The following FMN2 variants were observed in gnomAD, a reference collection of about 807,000 sequenced individuals.
The protein encoded by FMN2 is formin 2.
A neutral mutation model predicts 142.3 loss-of-function variants in FMN2; 51 were observed. That is an observed-to-expected ratio of 0.36 (90% CI 0.29 to 0.45). The LOEUF (loss-of-function observed/expected upper bound fraction) is 0.45. Ranked by LOEUF, FMN2 falls within the 20% of genes least tolerant of loss-of-function variation. The pLI is 1.00. For synonymous variants in FMN2, 882 were observed against 869.8 expected, an observed-to-expected ratio of 1.01 and a Z score of -0.25; for missense variants, 1,936 against 2,122.8, an observed-to-expected ratio of 0.91 and a Z score of 1.73.
intron 6 of FMN2, among the ~76,000 whole-genome samples, chr1:240,234,686 T>G (rs972633986): frequency 2.0e-5 from 3 of 152,130 alleles, no homozygotes; most frequent in Non-Finnish European, 2.9e-5. Context: ...CCCCACAGAT[T>G]AGCTATAATT....
chr1:240,134,365 C>T (rs1316787854), intron 2 of FMN2, among the ~76,000 whole-genome samples: 1 of 152,132 alleles, frequency 6.6e-6, no homozygotes, highest in Non-Finnish European at 1.5e-5. Context: ...CACCTGTAAT[C>T]CCAGCACTTT....
chr1:240,258,453 A>G (rs1014290943), intron 7 of FMN2, among the ~76,000 whole-genome samples: 3 of 152,168 alleles, frequency 2.0e-5, no homozygotes, highest in African/African-American at 4.8e-5. Context: ...ATTGGCAGAA[A>G]GAAGGAAAGA....
Position 240,123,242 on chromosome 1 carries a change from A to G in FMN2, c.1679A>G (p.Lys560Arg), listed in dbSNP as rs1662356280. ...AACGGGCCTCCAGAAGAAGCAGAGAAGTTTTGCTCCCGGATCATTGCCATG... is the reference window on the plus strand; with the variant it reads ...AACGGGCCTCCAGAAGAAGCAGAGAGGTTTTGCTCCCGGATCATTGCCATG... Reference protein sequence around the residue: ...QENGPPEEAEKFCSRIIAMGL... With the variant: ...QENGPPEEAERFCSRIIAMGL... Residue 560 changes from lysine to arginine, a missense_variant, in exon 2 of 18, where the codon AAG becomes AGG. Physicochemically the swap from Lys to Arg is conservative, Grantham distance 26. This residue lies in a region of FMN2 where 751 missense variants were observed against 791.8 expected (regional missense o/e 0.95). Coordinates refer to ENST00000319653, the MANE Select transcript of FMN2 (RefSeq NM_020066.5). 6.2e-7 allele frequency: 1 copy of G among 1,614,062 alleles called. No individual in the cohort carries two copies. The highest frequency in any genetic ancestry group is 1.3e-5 in the African/African-American group (1 of 74,928).
At chr1:240,418,976 TG>T (rs1674674217) in intron 15 of FMN2, among the ~76,000 whole-genome samples, 1 of 152,048 alleles carries the variant, frequency 6.6e-6, no homozygotes, top group Admixed American at 6.6e-5. Flanking sequence ...GACATGGTGG[TG>T]GGCGCCTGTA....
intron 8 of FMN2, among the ~76,000 whole-genome samples, chr1:240,302,353 TCGGGACCCAGAATATTG>T: frequency 6.6e-6 from 1 of 151,672 alleles, no homozygotes; most frequent in East Asian, 1.9e-4. Context: ...CCTCAGAAAA[TCGGGACCCAGAATATTG>T]AAAAATTCTT....
chr1:240,272,144 ACT>A (rs1303723445), intron 7 of FMN2, among the ~76,000 whole-genome samples: 1 of 151,988 alleles, frequency 6.6e-6, no homozygotes, highest in East Asian at 1.9e-4. Flanking sequence ...TAGGAGGGTG[ACT>A]CTGTGAGCCT....
rs553255247 is a variant in FMN2 at position 240,452,064 on chromosome 1, A to G, written c.5060+13854A>G. ...AAATTAGCCAGGTGTGGTGGCACTCACCTGTAGTCCCAGCTACTCAGGAGG... is the reference window on the plus strand; with the variant it reads ...AAATTAGCCAGGTGTGGTGGCACTCGCCTGTAGTCCCAGCTACTCAGGAGG... On this transcript the variant is annotated intron_variant, in intron 16 of 17. Transcript: ENST00000319653. Among the ~76,000 whole-genome samples the G allele has an allele frequency of 1.5e-4, 23 of 152,014 alleles. No individual in the cohort carries two copies. In the East Asian group the frequency reaches 2.5e-3, roughly 17 times the overall value.
chr1:240,324,603 G>A (rs939898269), intron 8 of FMN2, among the ~76,000 whole-genome samples: 2 of 148,916 alleles, frequency 1.3e-5, no homozygotes, highest in Non-Finnish European at 1.5e-5. Context: ...AGAGGTTGTA[G>A]TGAGCCGAGA....
chr1:240,336,553 C>CAAAAAAAA (rs552135436), intron 13 of FMN2, among the ~76,000 whole-genome samples: 3 of 50,526 alleles, frequency 5.9e-5, no homozygotes, highest in Non-Finnish European at 1.4e-4. Flanking sequence ...TGGTATTCTC[C>CAAAAAAAA]AAAAAAAAAA....
At chr1:240,441,398 G>T (rs1558108900) in intron 16 of FMN2, among the ~76,000 whole-genome samples, 1 of 152,144 alleles carries the variant, frequency 6.6e-6, no homozygotes, top group South Asian at 2.1e-4. Flanking sequence ...ATTTAAGAGT[G>T]TGAAACTTCT....
intron 16 of FMN2, among the ~76,000 whole-genome samples, chr1:240,462,293 C>A (rs1676473558): frequency 6.6e-6 from 1 of 152,082 alleles, no homozygotes; most frequent in Admixed American, 6.6e-5. Context: ...TCCTAATGGT[C>A]ATGTATTGAA....
chr1:240,396,303 C>CATGT, intron 15 of FMN2, among the ~76,000 whole-genome samples: 1 of 142,828 alleles, frequency 7.0e-6, no homozygotes, highest in Non-Finnish European at 1.5e-5. Flanking sequence ...CCGAGGTTTT[C>CATGT]GTGTGTGTGT....
At chr1:240,178,442 T>C (rs1231793630) in intron 3 of FMN2, among the ~76,000 whole-genome samples, 1 of 135,074 alleles carries the variant, frequency 7.4e-6, no homozygotes, top group Admixed American at 7.0e-5. Context: ...CTTCTTCTTC[T>C]TCTTCTTTTT....
intron 16 of FMN2, among the ~76,000 whole-genome samples, chr1:240,467,051 G>T (rs1292054218): frequency 6.6e-6 from 1 of 152,174 alleles, no homozygotes; most frequent in Non-Finnish European, 1.5e-5. Flanking sequence ...AGGCATGCTG[G>T]CTCTATCAAG....
At chr1:240,323,063 C>A (rs1399481214) in intron 8 of FMN2, among the ~76,000 whole-genome samples, 1 of 152,094 alleles carries the variant, frequency 6.6e-6, no homozygotes, top group African/African-American at 2.4e-5. Flanking sequence ...TCTTCTCTCC[C>A]CTTGTTTGCA....
chr1:240,252,400 C>A (rs1668305580), intron 6 of FMN2, among the ~76,000 whole-genome samples: 1 of 152,072 alleles, frequency 6.6e-6, no homozygotes, highest in African/African-American at 2.4e-5. Flanking sequence ...CATTCTTTTG[C>A]TTGCAGGTGT....
intron 1 of FMN2, among the ~76,000 whole-genome samples, chr1:240,110,436 A>G (rs1335657623): frequency 6.6e-6 from 1 of 152,326 alleles, no homozygotes; most frequent in African/African-American, 2.4e-5. Flanking sequence ...TATAGTGTCA[A>G]TGGTCACAGG....
chr1:240,469,669 G>C (rs576261959), intron 16 of FMN2, among the ~76,000 whole-genome samples: 1 of 152,102 alleles, frequency 6.6e-6, no homozygotes, highest in Non-Finnish European at 1.5e-5. Context: ...AACAAGGCTC[G>C]GCAGTCGCTT....
intron 13 of FMN2, among the ~76,000 whole-genome samples, chr1:240,345,051 T>G (rs957809421): frequency 1.5e-4 from 23 of 152,358 alleles, no homozygotes; most frequent in Non-Finnish European, 2.6e-4. Flanking sequence ...GAATGTTTCA[T>G]TCTCATAACT....
Sources: allele counts gnomAD v4.1 joint callset (sites outside exome capture counted in the v4.1 genomes callset), GRCh38; gene constraint gnomAD v4.1.1; regional missense constraint gnomAD v4.1.1; transcripts MANE v1.5; gene names NCBI Gene and HGNC (gene_info 2026-07-23, HGNC 2026-07-21).